ZBTB20: variants seen among roughly 807,000 people sequenced by gnomAD.
The protein encoded by ZBTB20 is zinc finger and BTB domain-containing protein 20.
ZBTB20 carries 9 observed loss-of-function variants against 56.9 expected under a neutral mutation model. The ratio of observed to expected loss-of-function variants is 0.16; its 90% CI spans 0.10 to 0.28. The LOEUF (loss-of-function observed/expected upper bound fraction) is 0.28, where lower values mean the gene tolerates loss of function less well. ZBTB20 is among the 10% of genes least tolerant of loss of function. ZBTB20 has a pLI of 1.00. For missense variants in ZBTB20, 655 were observed against 1,003.0 expected (o/e 0.65, Z 4.69); for synonymous variants, 417 against 420.7 (o/e 0.99, Z 0.11).
chr3:114,783,803 A>AAT (rs2070293062), intron 5 of ZBTB20, among the ~76,000 whole-genome samples: 2 of 151,688 alleles, frequency 1.3e-5, no homozygotes, highest in Non-Finnish European at 2.9e-5. Flanking sequence ...AAAAAAAAAA[A>AAT]AAAAATACAT....
chr3:114,395,003 T>C (rs2086209831), intron 7 of ZBTB20, among the ~76,000 whole-genome samples: 1 of 152,190 alleles, frequency 6.6e-6, no homozygotes, highest in South Asian at 2.1e-4. Context: ...TGGTAATAAT[T>C]CAAATAACAC....
In ZBTB20 at chr3:114,988,994, G is replaced by C. The variant is rs188499193; in HGVS notation, c.-506-14578C>G. On this transcript the variant is annotated intron_variant, in intron 2 of 11. Transcript: ENST00000675478. ...TTGTTTGAGTTCTTTGTAGATTCTG[G>C]ATATTAGCCCTTTGTCAGAAGAGTA... is the stretch of plus-strand genomic sequence containing the variant. Among the ~76,000 whole-genome samples, 25 of 152,226 alleles carry C rather than the reference G, an allele frequency of 1.6e-4. No homozygotes were observed. In the East Asian group the frequency reaches 4.6e-3, roughly 28 times the overall value.
intron 2 of ZBTB20, among the ~76,000 whole-genome samples, chr3:115,008,761 A>G (rs970029071): frequency 6.6e-6 from 1 of 151,882 alleles, no homozygotes; most frequent in Non-Finnish European, 1.5e-5. Context: ...TCTTGGTAGG[A>G]GATAAATCAG....
chr3:115,005,350 A>G (rs2079421053), intron 2 of ZBTB20, among the ~76,000 whole-genome samples: 1 of 151,670 alleles, frequency 6.6e-6, no homozygotes, highest in Non-Finnish European at 1.5e-5. Context: ...ATTTTTAATG[A>G]CCCCAAATAT....
At chr3:115,007,226 G>C (rs73857882) in intron 2 of ZBTB20, among the ~76,000 whole-genome samples, 1 of 151,576 alleles carries the variant, frequency 6.6e-6, no homozygotes, top group South Asian at 2.1e-4. Flanking sequence ...AAAATCAAGT[G>C]AAATATCCTT....
At chr3:114,778,311 T>A (rs1234901695) in intron 5 of ZBTB20, among the ~76,000 whole-genome samples, 1 of 147,668 alleles carries the variant, frequency 6.8e-6, no homozygotes, top group African/African-American at 2.5e-5. Flanking sequence ...ATCACACCGT[T>A]GCACTCCAGC....
chr3:114,920,234 A>C (rs947926559), intron 3 of ZBTB20, among the ~76,000 whole-genome samples: 2 of 152,220 alleles, frequency 1.3e-5, no homozygotes, highest in African/African-American at 4.8e-5. Flanking sequence ...ACAGCAAATC[A>C]CCAGGGAAAC....
chr3:115,121,837 C>G (rs1015596991), intron 1 of ZBTB20, among the ~76,000 whole-genome samples: 1 of 151,952 alleles, frequency 6.6e-6, no homozygotes, highest in Non-Finnish European at 1.5e-5. Flanking sequence ...ATAACCAAGT[C>G]TTAGTTTATT....
At chr3:114,808,379 G>A (rs974935107) in intron 4 of ZBTB20, among the ~76,000 whole-genome samples, 1 of 151,924 alleles carries the variant, frequency 6.6e-6, no homozygotes, top group African/African-American at 2.4e-5. Context: ...TATAGTATGA[G>A]ATCAGGAATG....
At chr3:115,127,487 G>T (rs1353125280) in intron 1 of ZBTB20, among the ~76,000 whole-genome samples, 2 of 152,112 alleles carry the variant, frequency 1.3e-5, no homozygotes, top group Non-Finnish European at 2.9e-5. Flanking sequence ...CCAGCTACTG[G>T]GGAGGCTGAG....
chr3:114,463,417 T>C (rs532971067), intron 7 of ZBTB20, among the ~76,000 whole-genome samples: 6 of 152,188 alleles, frequency 3.9e-5, no homozygotes, highest in Non-Finnish European at 8.8e-5. Context: ...AGGATGTTAA[T>C]TTCCTTTAGG....
intron 6 of ZBTB20, among the ~76,000 whole-genome samples, chr3:114,634,948 T>C (rs1216688035): frequency 1.3e-5 from 2 of 152,214 alleles, no homozygotes; most frequent in Non-Finnish European, 2.9e-5. Flanking sequence ...GGGCAACTCC[T>C]TACAGTTAGA....
chr3:115,082,722 G>A (rs1041069545), intron 1 of ZBTB20, among the ~76,000 whole-genome samples: 2 of 151,976 alleles, frequency 1.3e-5, no homozygotes, highest in African/African-American at 4.8e-5. Flanking sequence ...TACACAGATG[G>A]TTTCAGTGAT....
intron 4 of ZBTB20, among the ~76,000 whole-genome samples, chr3:114,836,136 A>G (rs1354114064): frequency 1.3e-5 from 2 of 152,208 alleles, no homozygotes; most frequent in Non-Finnish European, 2.9e-5. Context: ...AAGCTATAAC[A>G]AAGTCTGACT....
At chr3:114,798,350 A>AAAAAAAAAAAAAAAAC (rs2071468490) in intron 5 of ZBTB20, among the ~76,000 whole-genome samples, 1 of 150,404 alleles carries the variant, frequency 6.6e-6, no homozygotes. Context: ...ACAAAAAAAC[A>AAAAAAAAAAAAAAAAC]AAAAAAAACA....
chr3:114,484,990 C>T (rs1213392845), intron 7 of ZBTB20, among the ~76,000 whole-genome samples: 2 of 152,082 alleles, frequency 1.3e-5, no homozygotes, highest in Non-Finnish European at 2.9e-5. Flanking sequence ...TTGCCAATGC[C>T]GATTGTTGAG....
chr3:114,327,303 C>T lies in ZBTB20; in HGVS notation c.*11702G>A, dbSNP rs1334117888. The T allele has an allele frequency of 2.6e-5, 4 of 152,024 alleles. No individual in the cohort carries two copies. Among genetic ancestry groups the T allele is most frequent in the Admixed American group, 1.3e-4 (2 of 15,242 alleles). 9.4% of individuals were successfully genotyped at this position (152,024 alleles called of 1,614,324 possible). A position where few individuals can be genotyped will look rare whatever the true frequency, so the allele number is the denominator to read the frequency against. On this transcript the variant is annotated 3_prime_UTR_variant, in exon 12 of 12. Transcript: ENST00000675478. Reference sequence around the variant, plus strand: ...TCAAGAAGGCATCCCAGATTGAGGACCAAGTAAGATCTATCAGAACCAGAG... The same window carrying T: ...TCAAGAAGGCATCCCAGATTGAGGATCAAGTAAGATCTATCAGAACCAGAG...
intron 5 of ZBTB20, among the ~76,000 whole-genome samples, chr3:114,773,525 G>T (rs1214642098): frequency 1.3e-5 from 2 of 152,108 alleles, no homozygotes; most frequent in African/African-American, 4.8e-5. Context: ...GAGACTAAAG[G>T]AAAAAGAACA....
rs559650194 is a variant in ZBTB20, at chr3:114,394,954, T to C, written c.-254-5849A>G. 7.2e-5 allele frequency among the ~76,000 whole-genome samples: 11 copies of C among 152,362 alleles called. No individual in the cohort carries two copies. In the East Asian group the frequency reaches 1.9e-3, roughly 27 times the overall value. On this transcript the variant is annotated intron_variant, in intron 7 of 11. Coordinates refer to ENST00000675478, the MANE Select transcript of ZBTB20 (RefSeq NM_001348800.3). ...TAATGTCTCTAACATGTAAAGTTCCTATTTTTTTACATTATTGTTATTTTT... is the reference window on the plus strand; with the variant it reads ...TAATGTCTCTAACATGTAAAGTTCCCATTTTTTTACATTATTGTTATTTTT...
Sources: gnomAD v4.1 joint callset for allele counts (sites outside exome capture counted in the v4.1 genomes callset) on GRCh38, gnomAD v4.1.1 for gene constraint, MANE v1.5 for transcripts, NCBI Gene and HGNC (gene_info 2026-07-23, HGNC 2026-07-21) for gene names.